The following KIF3C variants were observed in gnomAD, a reference collection of about 807,000 sequenced individuals.
KIF3C encodes kinesin-like protein KIF3C.
Under a neutral mutation model 67.7 loss-of-function variants are expected in KIF3C, and 12 were observed. The observed-to-expected ratio is 0.18, with a 90% CI of 0.11 to 0.29. KIF3C has a LOEUF of 0.29. Among genes scored for constraint, KIF3C ranks in the 10% least tolerant of loss-of-function variants. The pLI, the probability that KIF3C is intolerant of heterozygous loss-of-function variation, is 1.00. For missense variants in KIF3C, 789 were observed against 1,059.6 expected (o/e 0.74, Z 3.55); for synonymous variants, 393 against 426.2 (o/e 0.92, Z 0.96).
intron 5 of KIF3C, chr2:25,938,312 C>A (rs912639516): frequency 2.3e-6 from 1 of 439,512 alleles, no homozygotes; most frequent in Non-Finnish European, 4.5e-6. Flanking sequence ...GAGCTGAGAT[C>A]GTGCCACTGC....
chr2:25,962,550 G>A (rs56381431), intron 1 of KIF3C, among the ~76,000 whole-genome samples: 6,186 of 149,604 alleles, frequency 0.041, 243 homozygotes, highest in African/African-American at 0.1. Flanking sequence ...GGCTAATTTT[G>A]TAGTTTTGTA....
intron 4 of KIF3C, among the ~76,000 whole-genome samples, chr2:25,953,639 C>T (rs1373023133): frequency 2.7e-5 from 4 of 150,116 alleles, no homozygotes; most frequent in Non-Finnish European, 5.9e-5. Context: ...GGATTACAGG[C>T]ATGAGCCACT....
rs1284377292 is a variant in KIF3C, at chr2:25,962,953, T to TAC, written c.1546-6510_1546-6509insGT. Among the ~76,000 whole-genome samples the TAC allele has an allele frequency of 1.0e-3, 36 of 35,892 alleles. 1 individual carries two copies. The highest frequency in any genetic ancestry group is 3.1e-3 in the African/African-American group (13 of 4,152). The allele number at this position is 35,892 out of a possible 152,430, so 23.5% of individuals were successfully genotyped here. On this transcript the variant is annotated intron_variant, in intron 1 of 7. Transcript: ENST00000264712. ...AATACATATAATATATAATATATAA[T>TAC]ATATAATATATATAATATATAATAT...
intron 2 of KIF3C, 31 bp downstream of exon 2, chr2:25,956,312 T>C (rs751797016): frequency 1.9e-6 from 3 of 1,545,284 alleles, no homozygotes; most frequent in Admixed American, 1.7e-5. Context: ...GGCCACACTC[T>C]CCAAGGGGAC....
intron 5 of KIF3C, among the ~76,000 whole-genome samples, chr2:25,937,420 A>G (rs1663162532): frequency 6.6e-6 from 1 of 152,224 alleles, no homozygotes; most frequent in Non-Finnish European, 1.5e-5. Flanking sequence ...ATAAGGCTCC[A>G]GAAGCCCCAG....
chr2:25,946,099 C>T (rs1001674839), intron 5 of KIF3C, among the ~76,000 whole-genome samples: 4 of 151,626 alleles, frequency 2.6e-5, no homozygotes, highest in Non-Finnish European at 4.4e-5. Flanking sequence ...GGTGACATAG[C>T]GAGATTCCGT....
At chr2:25,957,841 G>A (rs913515602) in intron 1 of KIF3C, among the ~76,000 whole-genome samples, 1 of 152,178 alleles carries the variant, frequency 6.6e-6, no homozygotes, top group Non-Finnish European at 1.5e-5. Context: ...AGCCTCAGAG[G>A]CCAAGGCAGG....
intron 1 of KIF3C, among the ~76,000 whole-genome samples, chr2:25,960,426 CACATG>C (rs967099039): frequency 3.3e-5 from 5 of 149,402 alleles, no homozygotes; most frequent in African/African-American, 1.2e-4. Flanking sequence ...CATCCAAGGT[CACATG>C]ATGGCCCCCT....
chr2:25,946,448 T>G (rs956948147), intron 5 of KIF3C, among the ~76,000 whole-genome samples: 8 of 151,874 alleles, frequency 5.3e-5, no homozygotes, highest in African/African-American at 1.9e-4. Context: ...CCCAGCATTT[T>G]GGTGGGCGAG....
At chr2:25,956,225 G>A in intron 2 of KIF3C, 118 bp downstream of exon 2, 1 of 778,024 alleles carries the variant, frequency 1.3e-6, no homozygotes, top group South Asian at 1.6e-5. Context: ...GCATGTCTGA[G>A]ATTCTCAGCA....
At chr2:25,965,660 G>A (rs1255194014) in intron 1 of KIF3C, among the ~76,000 whole-genome samples, 1 of 151,588 alleles carries the variant, frequency 6.6e-6, no homozygotes, top group Non-Finnish European at 1.5e-5. Context: ...CACCTATGAG[G>A]ATAGGGAGGG....
At chr2:25,962,818 A>T (rs1220964488) in intron 1 of KIF3C, among the ~76,000 whole-genome samples, 1 of 73,622 alleles carries the variant, frequency 1.4e-5, no homozygotes, top group East Asian at 2.6e-4. Context: ...TAATATATAT[A>T]ATATATAAAA....
chr2:25,946,978 CCT>C, intron 5 of KIF3C, among the ~76,000 whole-genome samples: 1 of 152,104 alleles, frequency 6.6e-6, no homozygotes, highest in Admixed American at 6.5e-5. Context: ...ATGGTGAAAC[CCT>C]GTCTCTACTA....
At chr2:25,971,871 C>CTTTTTTTTTTTTTTTTTT (rs70950146) in intron 1 of KIF3C, among the ~76,000 whole-genome samples, 3 of 53,804 alleles carry the variant, frequency 5.6e-5, no homozygotes, top group East Asian at 3.4e-4. Flanking sequence ...CCATGCCTAG[C>CTTTTTTTTTTTTTTTTTT]TTTTTTTTTT....
intron 3 of KIF3C, among the ~76,000 whole-genome samples, chr2:25,954,728 G>A (rs925908906): frequency 1.3e-5 from 2 of 149,866 alleles, no homozygotes; most frequent in African/African-American, 5.0e-5. Context: ...ACTTGCTCAA[G>A]GTCACACAAC....
chr2:25,966,182 T>G (rs1299804539), intron 1 of KIF3C, among the ~76,000 whole-genome samples: 1 of 151,998 alleles, frequency 6.6e-6, no homozygotes, highest in Non-Finnish European at 1.5e-5. Flanking sequence ...CTCGGCTCAC[T>G]GCAACCTCTG....
intron 1 of KIF3C, among the ~76,000 whole-genome samples, chr2:25,968,771 G>C (rs938560310): frequency 1.3e-5 from 2 of 151,860 alleles, no homozygotes; most frequent in Non-Finnish European, 2.9e-5. Context: ...TCTAACCCTG[G>C]CCTGCTTCCA....
At chr2:25,962,117 T>A (rs536313189) in intron 1 of KIF3C, among the ~76,000 whole-genome samples, 7 of 152,270 alleles carry the variant, frequency 4.6e-5, no homozygotes, top group Non-Finnish European at 7.4e-5. Flanking sequence ...AGCAGCAGTT[T>A]TTAGGACAAA....
chr2:25,971,871 C>CTTTTTTT lies in KIF3C; in HGVS notation c.1545+8495_1545+8501dup, dbSNP rs70950146. 3.5e-4 allele frequency among the ~76,000 whole-genome samples: 19 copies of CTTTTTTT among 53,802 alleles called. 3 individuals carry two copies. The highest frequency in any genetic ancestry group is 5.2e-4 in the Non-Finnish European group (14 of 26,868). The allele number at this position is 53,802 out of a possible 152,430, so 35.3% of individuals were successfully genotyped here. ...TACAGGCATGCAGTACCATGCCTAG[C>CTTTTTTT]TTTTTTTTTTTTTTTTTTTTTTTTT... On this transcript the variant is annotated intron_variant, in intron 1 of 7. Transcript: ENST00000264712.
Sources: gnomAD v4.1 joint callset for allele counts (sites outside exome capture counted in the v4.1 genomes callset) on GRCh38, gnomAD v4.1.1 for gene constraint, MANE v1.5 for transcripts, NCBI Gene and HGNC (gene_info 2026-07-23, HGNC 2026-07-21) for gene names.